The following PCDHA4 variants were observed in gnomAD, a reference collection of about 807,000 sequenced individuals.
PCDHA4 encodes protocadherin alpha 4.
A neutral mutation model predicts 61.4 loss-of-function variants in PCDHA4; 49 were observed. That is an observed-to-expected ratio of 0.80 (90% CI 0.63 to 1.01). The LOEUF (loss-of-function observed/expected upper bound fraction) is 1.01. Among genes scored for constraint, PCDHA4 ranks in the 50% least tolerant of loss-of-function variants. PCDHA4 has a pLI of 0.00. For synonymous variants in PCDHA4, 590 were observed against 550.3 expected (o/e 1.07, Z -1.01); for missense variants, 1,254 against 1,235.8 (o/e 1.01, Z -0.22).
chr5:140,835,758 G>A (rs2150244199), intron 1 of PCDHA4: 9 of 1,613,436 alleles, frequency 5.6e-6, no homozygotes, highest in Non-Finnish European at 7.6e-6. Flanking sequence ...CGCGCAGCCC[G>A]AGTATACGGT....
chr5:140,904,555 CT>C (rs569725486), intron 1 of PCDHA4, among the ~76,000 whole-genome samples: 14 of 151,628 alleles, frequency 9.2e-5, no homozygotes, highest in Non-Finnish European at 1.8e-4. Context: ...CATATAATGA[CT>C]TTTTTTTCCT....
At position 140,829,844 on chromosome 5, in the gene PCDHA4, C is replaced by A. The variant is rs2150175965; in HGVS notation, c.2385+20272C>A. The A allele has an allele frequency of 1.9e-6, 3 of 1,613,922 alleles. No individual in the cohort carries two copies. The Admixed American group carries it at 5.0e-5, about 27-fold the overall frequency. ...AGTGAGCGAGCTGGTGCCGCGGTCA[C>A]TGGGTGCAGGCCAAGTGGTGGCGAA... On this transcript the variant is annotated intron_variant, in intron 1 of 3. Transcript: ENST00000530339.
intron 1 of PCDHA4, among the ~76,000 whole-genome samples, chr5:140,893,840 T>C (rs548325710): frequency 6.6e-6 from 1 of 152,312 alleles, no homozygotes; most frequent in Non-Finnish European, 1.5e-5. Flanking sequence ...GCCATCCTGA[T>C]GCCCTACCTC....
chr5:140,870,395 C>T (rs1554164197), intron 1 of PCDHA4: 1 of 1,614,218 alleles, frequency 6.2e-7, no homozygotes, highest in South Asian at 1.1e-5. Context: ...GATGGGGGTT[C>T]GCCTTCTCTG....
chr5:140,933,064 A>G (rs2088836698), intron 1 of PCDHA4, among the ~76,000 whole-genome samples: 1 of 152,030 alleles, frequency 6.6e-6, no homozygotes, highest in African/African-American at 2.4e-5. Context: ...GATCCTGACT[A>G]AAGTATTATG....
intron 3 of PCDHA4, 123 bp from the exon 4 acceptor site, chr5:141,009,504 A>G: frequency 1.3e-6 from 2 of 1,497,074 alleles, no homozygotes; most frequent in Non-Finnish European, 1.8e-6. Flanking sequence ...ACTTGAACAA[A>G]CAACTCGTGA....
Position 141,012,063 on chromosome 5 carries a change from T to C in PCDHA4, c.*2126T>C, listed in dbSNP as rs948658172. ...TGGGGTAAAACTTGTTACCAACACATGTGAACCATTGCTACATTGTAGGTT... is the reference window on the plus strand; with the variant it reads ...TGGGGTAAAACTTGTTACCAACACACGTGAACCATTGCTACATTGTAGGTT... On this transcript the variant is annotated 3_prime_UTR_variant, in exon 4 of 4. Transcript: ENST00000530339. The C allele has an allele frequency of 1.3e-5, 2 of 153,778 alleles. No individual in the cohort carries two copies. The highest frequency in any genetic ancestry group is 3.8e-4 in the East Asian group (2 of 5,196). The allele number at this position is 153,778 out of a possible 1,614,324, so 9.5% of individuals were successfully genotyped here. A position where few individuals can be genotyped will look rare whatever the true frequency, so the allele number is the denominator to read the frequency against.
chr5:140,995,511 A>G (rs561169284), intron 3 of PCDHA4, among the ~76,000 whole-genome samples: 1 of 152,342 alleles, frequency 6.6e-6, no homozygotes, highest in Admixed American at 6.5e-5. Flanking sequence ...TGGGTAACTG[A>G]AGCCTCAGAA....
At chr5:140,926,204 G>C (rs888951769) in intron 1 of PCDHA4, among the ~76,000 whole-genome samples, 1 of 151,802 alleles carries the variant, frequency 6.6e-6, no homozygotes, top group South Asian at 2.2e-4. Context: ...CTTTCGGGGG[G>C]CTCCTGTTTC....
chr5:140,908,824 C>T (rs1199416548), intron 1 of PCDHA4, among the ~76,000 whole-genome samples: 1 of 152,082 alleles, frequency 6.6e-6, no homozygotes, highest in African/African-American at 2.4e-5. Flanking sequence ...TTGGGTTACT[C>T]GATAAATGGG....
At chr5:140,956,212 C>A (rs246014) in intron 1 of PCDHA4, among the ~76,000 whole-genome samples, 85,603 of 151,956 alleles carry the variant, frequency 0.56, 24,735 homozygotes, top group African/African-American at 0.69. Context: ...AAGAGGGCAT[C>A]CTTGTCTTGT....
chr5:140,818,380 G>A (rs2150101126), intron 1 of PCDHA4, among the ~76,000 whole-genome samples: 4 of 152,192 alleles, frequency 2.6e-5, no homozygotes, highest in African/African-American at 9.6e-5. Context: ...TTGAATCGTG[G>A]CATTTTTCCA....
At position 140,849,922 on chromosome 5, in the gene PCDHA4, C is replaced by A. The variant is rs140735832; in HGVS notation, c.2385+40350C>A. The stretch of plus-strand genomic sequence containing the variant: ...AACCCGCCGGGCTGCCACATCTTCA[C>A]GGTGTCTGCGCGGGACGCTGACGCG... On this transcript the variant is annotated intron_variant, in intron 1 of 3. Transcript: ENST00000530339. 10 of 1,598,214 alleles carry A rather than the reference C, an allele frequency of 6.3e-6. 1 individual carries two copies. In the South Asian group the frequency reaches 9.9e-5, roughly 16 times the overall value.
chr5:140,821,624 A>T, intron 1 of PCDHA4: 3 of 893,544 alleles, frequency 3.4e-6, no homozygotes, highest in Non-Finnish European at 5.0e-6. Flanking sequence ...GATTTTCCTT[A>T]GACAGAAAGG....
intron 1 of PCDHA4, chr5:140,883,019 G>A (rs1554176509): frequency 1.2e-6 from 2 of 1,613,986 alleles, no homozygotes; most frequent in South Asian, 1.1e-5. Flanking sequence ...TAAAGTGACG[G>A]TGTTAGAGAA....
intron 1 of PCDHA4, chr5:140,851,257 T>A: frequency 9.2e-7 from 1 of 1,087,842 alleles, no homozygotes; most frequent in East Asian, 4.1e-5. Context: ...GCATAGTATT[T>A]TAGTCTACTT....
intron 3 of PCDHA4, among the ~76,000 whole-genome samples, chr5:140,996,991 T>C (rs191353108): frequency 1.6e-4 from 25 of 152,346 alleles, no homozygotes; most frequent in African/African-American, 5.3e-4. Flanking sequence ...GCAACCACTG[T>C]TAACAATTTT....
intron 3 of PCDHA4, among the ~76,000 whole-genome samples, chr5:140,994,545 A>T (rs1397619431): frequency 2.6e-5 from 4 of 152,074 alleles, no homozygotes; most frequent in African/African-American, 9.7e-5. Flanking sequence ...TCTACAAAAA[A>T]AATATAAAAA....
rs369670852 is a variant in PCDHA4, at chr5:140,928,571, C to G, written c.2386-50378C>G. 1.9e-5 allele frequency: 30 copies of G among 1,614,180 alleles called. 1 individual carries two copies. The African/African-American group carries it at 1.9e-4, about 10-fold the overall frequency. On this transcript the variant is annotated intron_variant, in intron 1 of 3. Transcript: ENST00000530339. ...TATCCGGTTATCTTGTTTCCCTTGC[C>G]CAGAAATGGTTCTGTCCCAGTGGAA...
Sources: gnomAD v4.1 joint callset for allele counts (sites outside exome capture counted in the v4.1 genomes callset) on GRCh38, gnomAD v4.1.1 for gene constraint, MANE v1.5 for transcripts, NCBI Gene and HGNC (gene_info 2026-07-23, HGNC 2026-07-21) for gene names.